Variants in CACNA2D1 observed in about 807,000 individuals in gnomAD.
CACNA2D1 encodes the protein calcium voltage-gated channel auxiliary subunit alpha2delta 1.
CACNA2D1 carries 53 observed loss-of-function variants against 171.5 expected under a neutral mutation model. The ratio of observed to expected loss-of-function variants is 0.31; its 90% CI spans 0.25 to 0.39. CACNA2D1 has a LOEUF of 0.39. CACNA2D1 is among the 10% of genes least tolerant of loss of function. CACNA2D1 has a pLI of 1.00. For missense variants in CACNA2D1, 903 were observed against 1,299.8 expected (o/e 0.69, Z 4.69); for synonymous variants, 442 against 443.1 (o/e 1.00, Z 0.03).
At position 82,102,192 on chromosome 7, in the gene CACNA2D1, G is replaced by T. The variant is rs929173974; in HGVS notation, c.526+14852C>A. Among the ~76,000 whole-genome samples the T allele has an allele frequency of 1.2e-4, 18 of 151,844 alleles. No homozygotes were observed. In the East Asian group the frequency reaches 3.5e-3, roughly 29 times the overall value. On this transcript the variant is annotated intron_variant, in intron 6 of 38. Transcript: ENST00000356860. ...AGGGAAGTAACAGTTCTATTGTGCA[G>T]CTCCTGAAAATCTGATTGAGAAAGG...
At chr7:82,369,778 A>G (rs1375724698) in intron 1 of CACNA2D1, among the ~76,000 whole-genome samples, 1 of 152,102 alleles carries the variant, frequency 6.6e-6, no homozygotes, top group Non-Finnish European at 1.5e-5. Flanking sequence ...AACATCAACA[A>G]TTTAAATAAC....
intron 38 of CACNA2D1, among the ~76,000 whole-genome samples, chr7:81,957,367 G>A (rs373762261): frequency 6.6e-5 from 10 of 151,994 alleles, no homozygotes; most frequent in African/African-American, 2.4e-4. Context: ...CTGGTTTCAG[G>A]AACATTAATA....
intron 6 of CACNA2D1, among the ~76,000 whole-genome samples, chr7:82,088,781 A>G (rs1397882584): frequency 6.6e-6 from 1 of 152,030 alleles, no homozygotes; most frequent in African/African-American, 2.4e-5. Flanking sequence ...TATATTCTCA[A>G]TTATATATTC....
intron 1 of CACNA2D1, among the ~76,000 whole-genome samples, chr7:82,441,068 G>C (rs1354816385): frequency 6.6e-6 from 1 of 151,828 alleles, no homozygotes; most frequent in Non-Finnish European, 1.5e-5. Context: ...TTTGCACTCA[G>C]TTTTTATAAA....
intron 1 of CACNA2D1, among the ~76,000 whole-genome samples, chr7:82,376,769 CGTTGA>C (rs1473136790): frequency 1.3e-5 from 2 of 152,128 alleles, no homozygotes; most frequent in Non-Finnish European, 2.9e-5. Context: ...TTCAGCTCAC[CGTTGA>C]TGAAAGTGAG....
At chr7:82,417,092 A>G (rs1828250360) in intron 1 of CACNA2D1, among the ~76,000 whole-genome samples, 1 of 152,244 alleles carries the variant, frequency 6.6e-6, no homozygotes. Flanking sequence ...AGAAGTTGAT[A>G]AATATATAGT....
chr7:82,172,098 A>G (rs1796077355), intron 3 of CACNA2D1, among the ~76,000 whole-genome samples: 1 of 152,138 alleles, frequency 6.6e-6, no homozygotes, highest in Middle Eastern at 3.4e-3. Context: ...TTAAGTGAAA[A>G]TCTATCATAG....
intron 2 of CACNA2D1, among the ~76,000 whole-genome samples, chr7:82,342,570 A>G (rs191275571): frequency 4.9e-4 from 75 of 152,336 alleles, no homozygotes; most frequent in African/African-American, 1.6e-3. Flanking sequence ...CCGATACAAT[A>G]ATTAAATTCC....
At chr7:82,013,269 G>T (rs1198001204) in intron 14 of CACNA2D1, among the ~76,000 whole-genome samples, 192 bp downstream of exon 14, 1 of 151,196 alleles carries the variant, frequency 6.6e-6, no homozygotes, top group Non-Finnish European at 1.5e-5. Context: ...CCTGAGTTTT[G>T]GTTATTTGAA....
intron 1 of CACNA2D1, among the ~76,000 whole-genome samples, chr7:82,359,222 T>C (rs1365412192): frequency 1.3e-5 from 2 of 152,206 alleles, no homozygotes; most frequent in African/African-American, 4.8e-5. Flanking sequence ...TGAAGATCTT[T>C]CCCTTTATGG....
chr7:81,985,581 G>C (rs1055350280), intron 21 of CACNA2D1, among the ~76,000 whole-genome samples: 1 of 152,100 alleles, frequency 6.6e-6, no homozygotes, highest in Admixed American at 6.5e-5. Flanking sequence ...AAGTTCTCTA[G>C]TACTAGTCTA....
chr7:82,127,205 A>G (rs1157044397), intron 5 of CACNA2D1, among the ~76,000 whole-genome samples: 9 of 152,244 alleles, frequency 5.9e-5, no homozygotes, highest in African/African-American at 2.2e-4. Context: ...AGAAGATGAG[A>G]CAACACTGTC....
chr7:82,150,257 T>TAAAAAAAAAAAAAAAAAAAAAAAAAAA (rs565121488), intron 4 of CACNA2D1, among the ~76,000 whole-genome samples: 1 of 92,848 alleles, frequency 1.1e-5, no homozygotes, highest in African/African-American at 3.7e-5. Flanking sequence ...TAGATCAAAT[T>TAAAAAAAAAAAAAAAAAAAAAAAAAAA]AAAAAAAAAA....
chr7:82,003,536 T>C (rs569804152), intron 18 of CACNA2D1, among the ~76,000 whole-genome samples: 1 of 151,134 alleles, frequency 6.6e-6, no homozygotes, highest in South Asian at 2.1e-4. Flanking sequence ...CTTCAAATTA[T>C]TACTTCTCTT....
chr7:82,217,512 A>C (rs1801275237), intron 3 of CACNA2D1, among the ~76,000 whole-genome samples: 1 of 148,896 alleles, frequency 6.7e-6, no homozygotes, highest in Non-Finnish European at 1.5e-5. Context: ...GTCAACTAAA[A>C]AGTTTTTTTT....
intron 1 of CACNA2D1, among the ~76,000 whole-genome samples, chr7:82,368,700 G>T (rs1035941572): frequency 1.3e-5 from 2 of 152,078 alleles, no homozygotes; most frequent in African/African-American, 4.8e-5. Context: ...CTTGTTATTT[G>T]TAATACCTAC....
At chr7:82,374,163 T>C (rs947324518) in intron 1 of CACNA2D1, among the ~76,000 whole-genome samples, 3 of 152,118 alleles carry the variant, frequency 2.0e-5, no homozygotes, top group African/African-American at 7.2e-5. Flanking sequence ...TGTTTTAAGG[T>C]CAGAAGAACA....
At chr7:81,985,252 G>C (rs1213936524) in intron 21 of CACNA2D1, among the ~76,000 whole-genome samples, 1 of 143,262 alleles carries the variant, frequency 7.0e-6, no homozygotes, top group Non-Finnish European at 1.5e-5. Flanking sequence ...CCAGGCTGGA[G>C]TGCAGTGGTT....
At chr7:82,263,506 A>T (rs989014263) in intron 3 of CACNA2D1, among the ~76,000 whole-genome samples, 3 of 152,124 alleles carry the variant, frequency 2.0e-5, no homozygotes, top group Admixed American at 2.0e-4. Flanking sequence ...GTGAGGAAAG[A>T]TATGACATAC....
Sources: allele counts gnomAD v4.1 joint callset (sites outside exome capture counted in the v4.1 genomes callset), GRCh38; gene constraint gnomAD v4.1.1; transcripts MANE v1.5; gene names NCBI Gene and HGNC (gene_info 2026-07-23, HGNC 2026-07-21).